The following MTFR1 variants were observed in gnomAD, a reference collection of about 807,000 sequenced individuals.
MTFR1 encodes the protein mitochondrial fission regulator 1.
Under a neutral mutation model 38.8 loss-of-function variants are expected in MTFR1, and 28 were observed. That is an observed-to-expected ratio of 0.72 (90% CI 0.53 to 0.99). The LOEUF is 0.99. Ranked by LOEUF, MTFR1 falls within the 50% of genes least tolerant of loss-of-function variation. MTFR1 has a pLI of 0.00. For synonymous variants in MTFR1, 145 were observed against 137.0 expected (o/e 1.06, Z -0.41); for missense variants, 358 against 395.5 (o/e 0.91, Z 0.81).
intron 1 of MTFR1, among the ~76,000 whole-genome samples, chr8:65,662,396 A>T (rs971655757): frequency 6.6e-6 from 1 of 151,494 alleles, no homozygotes; most frequent in Non-Finnish European, 1.5e-5. Flanking sequence ...GCGTTCACTC[A>T]GTGCTCAATG....
rs1168220147 is a variant in MTFR1, at chr8:65,710,458, A to AAAAG, written c.*1418_*1421dup. On this transcript the variant is annotated 3_prime_UTR_variant, in exon 8 of 8. Transcript: ENST00000262146. ...ATTCACCTGAAACGTATTTTGACCTAAAAGAAACATATTTTTGTATCAGTA... is the reference window on the plus strand; with the variant it reads ...ATTCACCTGAAACGTATTTTGACCTAAAAGAAAGAAACATATTTTTGTATCAGTA... 1.3e-5 allele frequency: 2 copies of AAAAG among 152,604 alleles called. No homozygotes were observed. The highest frequency in any genetic ancestry group is 2.9e-5 in the Non-Finnish European group (2 of 68,006). 9.5% of individuals were successfully genotyped at this position (152,604 alleles called of 1,614,324 possible). A position where few individuals can be genotyped will look rare whatever the true frequency, so the allele number is the denominator to read the frequency against.
intron 3 of MTFR1, chr8:65,722,340 C>G (rs1317767630): frequency 6.6e-6 from 1 of 152,286 alleles, no homozygotes; most frequent in Non-Finnish European, 1.5e-5. Context: ...GGCCACTACC[C>G]ACTTTCTTCC....
downstream of MTFR1, among the ~76,000 whole-genome samples, chr8:65,773,138 T>C (rs533377992): frequency 2.6e-5 from 4 of 152,232 alleles, no homozygotes; most frequent in African/African-American, 9.6e-5. Flanking sequence ...ATTTTAGTCA[T>C]AGCAGGAGCA....
At chr8:65,693,295 G>A (rs1010299931) in intron 3 of MTFR1, among the ~76,000 whole-genome samples, 1 of 151,962 alleles carries the variant, frequency 6.6e-6, no homozygotes, top group Admixed American at 6.6e-5. Context: ...CAGCTACTCA[G>A]GAGGCTGAGG....
At chr8:65,646,403 C>G (rs895804848) in intron 1 of MTFR1, among the ~76,000 whole-genome samples, 6 of 151,812 alleles carry the variant, frequency 4.0e-5, no homozygotes, top group Admixed American at 3.3e-4. Flanking sequence ...ATAAATGGAA[C>G]TGCTGTGGAA....
Position 65,673,541 on chromosome 8 carries a change from A to T in MTFR1, c.66+3523A>T, listed in dbSNP as rs189489134. Reference sequence around the variant, plus strand: ...GATGGGTGCAGCAAACCACCATGGCACATGTATACCTATTTAACAAACCTG... The same window carrying T: ...GATGGGTGCAGCAAACCACCATGGCTCATGTATACCTATTTAACAAACCTG... On this transcript the variant is annotated intron_variant, in intron 2 of 7. Transcript: ENST00000262146. 2.6e-5 allele frequency among the ~76,000 whole-genome samples: 4 copies of T among 151,962 alleles called. No individual in the cohort carries two copies. In the East Asian group the frequency reaches 7.7e-4, roughly 29 times the overall value.
At chr8:65,745,007 C>T (rs1196693252) in intron 3 of MTFR1, among the ~76,000 whole-genome samples, 2 of 152,284 alleles carry the variant, frequency 1.3e-5, no homozygotes, top group South Asian at 4.1e-4. Flanking sequence ...GGGAGGGACC[C>T]GGTGGGAGAC....
intron 3 of MTFR1, chr8:65,726,783 GAACAT>G: frequency 2.9e-6 from 2 of 697,864 alleles, no homozygotes; most frequent in Non-Finnish European, 5.1e-6. Context: ...TGGAACACCT[GAACAT>G]AACAATTTTT....
chr8:65,648,052 CCCAGACT>C (rs1809011167), intron 1 of MTFR1, among the ~76,000 whole-genome samples: 1 of 152,050 alleles, frequency 6.6e-6, no homozygotes, highest in Non-Finnish European at 1.5e-5. Context: ...CGCTCTGTCA[CCCAGACT>C]GGAGTGCAGT....
At chr8:65,773,747 T>C (rs1809179012), downstream of MTFR1, among the ~76,000 whole-genome samples, 1 of 152,194 alleles carries the variant, frequency 6.6e-6, no homozygotes, top group Non-Finnish European at 1.5e-5. Flanking sequence ...GTACATATCC[T>C]ATTTTAATTT....
At chr8:65,746,933 T>C (rs1056689649) in intron 3 of MTFR1, among the ~76,000 whole-genome samples, 5 of 152,182 alleles carry the variant, frequency 3.3e-5, no homozygotes, top group Non-Finnish European at 7.3e-5. Flanking sequence ...TCTGTAAATA[T>C]TAAGTCAAAT....
intron 3 of MTFR1, among the ~76,000 whole-genome samples, chr8:65,762,715 A>ATT (rs201855355): frequency 5.3e-5 from 8 of 150,928 alleles, no homozygotes; most frequent in African/African-American, 1.9e-4. Flanking sequence ...ATGTCATACC[A>ATT]TTTTTTTTAA....
chr8:65,679,718 T>A (rs1804820511), intron 2 of MTFR1: 1 of 152,254 alleles, frequency 6.6e-6, no homozygotes, highest in African/African-American at 2.4e-5. Flanking sequence ...TGGTGGGTAG[T>A]CTGATGTTGA....
At chr8:65,762,837 C>T (rs1270850110) in intron 3 of MTFR1, among the ~76,000 whole-genome samples, 4 of 151,920 alleles carry the variant, frequency 2.6e-5, no homozygotes, top group African/African-American at 9.7e-5. Context: ...AATCTCATTA[C>T]CATAAAACAA....
intron 3 of MTFR1, chr8:65,725,012 T>C: frequency 1.5e-6 from 1 of 685,656 alleles, no homozygotes; most frequent in East Asian, 3.1e-5. Context: ...CGGAAGGCTT[T>C]ATAGAACCCT....
At chr8:65,659,395 A>G (rs1488559940) in intron 1 of MTFR1, among the ~76,000 whole-genome samples, 4 of 150,848 alleles carry the variant, frequency 2.7e-5, no homozygotes, top group Non-Finnish European at 1.5e-5. Flanking sequence ...ATCACAAAAG[A>G]TCACAATCAA....
At chr8:65,683,888 T>C (rs1804985054) in intron 3 of MTFR1, among the ~76,000 whole-genome samples, 1 of 152,226 alleles carries the variant, frequency 6.6e-6, no homozygotes, top group South Asian at 2.1e-4. Context: ...TCAAGTACTT[T>C]CCAAGAATTC....
chr8:65,714,940 T>C (rs1472626350), downstream of MTFR1, among the ~76,000 whole-genome samples: 1 of 152,180 alleles, frequency 6.6e-6, no homozygotes, highest in Non-Finnish European at 1.5e-5. Flanking sequence ...CCATCACATT[T>C]ACAGTGAGTA....
At chr8:65,778,423 G>A in the MTFR1 span, among the ~76,000 whole-genome samples, 1 of 152,052 alleles carries the variant, frequency 6.6e-6, no homozygotes, top group Non-Finnish European at 1.5e-5. Context: ...ATGGACCAAG[G>A]CCCTGGACAT....
Sources: gnomAD v4.1 joint callset for allele counts (sites outside exome capture counted in the v4.1 genomes callset) on GRCh38, gnomAD v4.1.1 for gene constraint, MANE v1.5 for transcripts, NCBI Gene and HGNC (gene_info 2026-07-23, HGNC 2026-07-21) for gene names.